AKAP6: variants seen among roughly 807,000 people sequenced by gnomAD.
AKAP6 encodes the protein A-kinase anchor protein 6.
In AKAP6, 58 loss-of-function variants were observed where a neutral mutation model predicts 188.5. The ratio of observed to expected loss-of-function variants is 0.31; its 90% CI spans 0.25 to 0.38. The LOEUF (loss-of-function observed/expected upper bound fraction) is 0.38, where lower values mean the gene tolerates loss of function less well. Among genes scored for constraint, AKAP6 ranks in the 10% least tolerant of loss-of-function variants. AKAP6 has a pLI of 1.00. For missense variants in AKAP6, 2,710 were observed against 2,740.0 expected (o/e 0.99, Z 0.24); for synonymous variants, 989 against 998.6 (o/e 0.99, Z 0.18).
chr14:32,826,322 G>T (rs970271441), intron 13 of AKAP6, among the ~76,000 whole-genome samples: 1 of 152,172 alleles, frequency 6.6e-6, no homozygotes, highest in Non-Finnish European at 1.5e-5. Flanking sequence ...AGGAGAGAGA[G>T]AAATGTATTT....
chr14:32,426,160 C>T (rs1431242784), intron 1 of AKAP6, among the ~76,000 whole-genome samples: 6 of 152,124 alleles, frequency 3.9e-5, no homozygotes, highest in Non-Finnish European at 1.5e-5. Flanking sequence ...TAAAGGTTCG[C>T]ACTTATCTTT....
At chr14:32,679,771 C>A (rs139216957) in intron 8 of AKAP6, among the ~76,000 whole-genome samples, 1 of 152,244 alleles carries the variant, frequency 6.6e-6, no homozygotes, top group East Asian at 1.9e-4. Context: ...GTTGCTCCAT[C>A]AGTATATTTT....
chr14:32,580,639 G>A (rs1270462924), intron 5 of AKAP6, among the ~76,000 whole-genome samples: 1 of 152,036 alleles, frequency 6.6e-6, no homozygotes, highest in Non-Finnish European at 1.5e-5. Flanking sequence ...TGCCATGCTG[G>A]CATGCTGCAC....
intron 2 of AKAP6, among the ~76,000 whole-genome samples, chr14:32,523,850 C>T (rs1881987900): frequency 6.7e-6 from 1 of 149,054 alleles, no homozygotes; most frequent in Non-Finnish European, 1.5e-5. Flanking sequence ...GAAATTGAAG[C>T]TGAGGTGAAT....
chr14:32,749,332 C>T (rs2032035952), intron 11 of AKAP6, among the ~76,000 whole-genome samples: 1 of 152,184 alleles, frequency 6.6e-6, no homozygotes, highest in Non-Finnish European at 1.5e-5. Context: ...ACAGCACTTT[C>T]AGCTTGGCAC....
intron 1 of AKAP6, among the ~76,000 whole-genome samples, chr14:32,389,508 G>A (rs1451862021): frequency 6.6e-6 from 1 of 151,956 alleles, no homozygotes; most frequent in Non-Finnish European, 1.5e-5. Flanking sequence ...AAGATTTGGA[G>A]CTCCTTTTGG....
intron 12 of AKAP6, among the ~76,000 whole-genome samples, chr14:32,819,193 T>G (rs2034458998): frequency 6.6e-6 from 1 of 152,204 alleles, no homozygotes; most frequent in South Asian, 2.1e-4. Flanking sequence ...CTTAGAAAAC[T>G]TAAAAATTTC....
intron 2 of AKAP6, among the ~76,000 whole-genome samples, chr14:32,448,331 A>G (rs1483706639): frequency 1.3e-5 from 2 of 152,076 alleles, no homozygotes; most frequent in Non-Finnish European, 2.9e-5. Flanking sequence ...TTGATCCCCA[A>G]TCTATTCTTT....
chr14:32,365,399 T>C (rs1887799109), intron 1 of AKAP6, among the ~76,000 whole-genome samples: 1 of 152,172 alleles, frequency 6.6e-6, no homozygotes, highest in African/African-American at 2.4e-5. Context: ...ATCCAAGGTG[T>C]CTGATGTCTC....
intron 9 of AKAP6, among the ~76,000 whole-genome samples, chr14:32,707,372 A>G (rs958693690): frequency 2.0e-5 from 3 of 152,078 alleles, no homozygotes; most frequent in East Asian, 1.9e-4. Flanking sequence ...GGATTTTACA[A>G]CCTTCATTAC....
intron 5 of AKAP6, among the ~76,000 whole-genome samples, chr14:32,591,686 A>G (rs1358853483): frequency 2.2e-5 from 3 of 138,992 alleles, no homozygotes; most frequent in East Asian, 4.1e-4. Context: ...CAAAGGTTTT[A>G]TAATGCTTAT....
rs759587062 is a variant in AKAP6, at chr14:32,545,406, A to C, written c.753A>C (p.Lys251Asn). 1 of 1,614,146 alleles carries C rather than the reference A, an allele frequency of 6.2e-7. No homozygotes were observed. ...TGACCTCTAGCCAAGTCAAAACCAA[A>C]CCCTTTGACTCTTGGAGCTACAGTG... ...GDMTSSQVKTKPFDSWSYSEM... is the reference protein window; with the variant it reads ...GDMTSSQVKTNPFDSWSYSEM... The change falls in exon 4 of 14, where the codon AAA becomes AAC. Residue 251 changes from lysine to asparagine, a missense_variant. Transcript: ENST00000280979.
intron 7 of AKAP6, among the ~76,000 whole-genome samples, chr14:32,611,082 A>G (rs1886330476): frequency 6.6e-6 from 1 of 152,186 alleles, no homozygotes; most frequent in South Asian, 2.1e-4. Flanking sequence ...GTGCTCTAAT[A>G]TAAGGAAAAA....
Position 32,545,872 on chromosome 14 carries a change from G to A in AKAP6, c.1219G>A (p.Gly407Ser), listed in dbSNP as rs1440644971. 1.9e-6 allele frequency: 3 copies of A among 1,614,162 alleles called. No homozygotes were observed. The highest frequency in any genetic ancestry group is 2.5e-6 in the Non-Finnish European group (3 of 1,180,018). The change falls in exon 4 of 14, where the codon GGC becomes AGC. Residue 407 changes from glycine (G) to serine (S), a missense_variant. Physicochemically the swap from Gly to Ser is moderately conservative, Grantham distance 56. Transcript: ENST00000280979. ...KEETFKNDLKGNGGKRQMVDL... is the reference protein window; with the variant it reads ...KEETFKNDLKSNGGKRQMVDL... ...GGAAACTTTTAAGAATGATCTGAAA[G>A]GCAATGGTGGAAAGAGGCAAATGGT...
intron 12 of AKAP6, among the ~76,000 whole-genome samples, chr14:32,811,751 C>T (rs1042915749): frequency 2.6e-5 from 4 of 152,160 alleles, no homozygotes; most frequent in Admixed American, 6.5e-5. Flanking sequence ...GGTTCCTAAA[C>T]GTGAGTGAAC....
chr14:32,771,178 TATTA>T (rs1258733679), intron 11 of AKAP6, among the ~76,000 whole-genome samples: 2 of 152,206 alleles, frequency 1.3e-5, no homozygotes, highest in Non-Finnish European at 2.9e-5. Context: ...AATGTTATTT[TATTA>T]ATTATATCTT....
At chr14:32,337,330 T>G (rs115532896) in intron 1 of AKAP6, among the ~76,000 whole-genome samples, 1,950 of 152,266 alleles carry the variant, frequency 0.013, 45 homozygotes, top group African/African-American at 0.045. Context: ...GGATGCACAT[T>G]TCTTCAGGCT....
chr14:32,809,756 A>T (rs1030774721), intron 12 of AKAP6, among the ~76,000 whole-genome samples: 2 of 152,200 alleles, frequency 1.3e-5, no homozygotes, highest in East Asian at 3.8e-4. Flanking sequence ...TCAGCTTAGG[A>T]TGGAAACTAT....
At chr14:32,519,760 C>A (rs538715149) in intron 2 of AKAP6, among the ~76,000 whole-genome samples, 1 of 152,212 alleles carries the variant, frequency 6.6e-6, no homozygotes, top group Non-Finnish European at 1.5e-5. Context: ...GACTTTAACA[C>A]CCCACTGTCA....
Sources: gnomAD v4.1 joint callset for allele counts (sites outside exome capture counted in the v4.1 genomes callset) on GRCh38, gnomAD v4.1.1 for gene constraint, MANE v1.5 for transcripts, NCBI Gene and HGNC (gene_info 2026-07-23, HGNC 2026-07-21) for gene names.